MACROD2: variants seen among roughly 807,000 people sequenced by gnomAD.
MACROD2 encodes the protein ADP-ribose glycohydrolase MACROD2.
MACROD2 carries 36 observed loss-of-function variants against 70.4 expected under a neutral mutation model. The observed-to-expected ratio is 0.51, with a 90% confidence interval of 0.39 to 0.68. The LOEUF (loss-of-function observed/expected upper bound fraction) is 0.68, where lower values mean the gene tolerates loss of function less well. Among genes scored for constraint, MACROD2 ranks in the 30% least tolerant of loss-of-function variants. The pLI is 0.00. For synonymous variants in MACROD2, 172 were observed against 178.8 expected (o/e 0.96, Z 0.30); for missense variants, 496 against 538.4 (o/e 0.92, Z 0.78).
chr20:14,927,476 C>G (rs2074247151), intron 5 of MACROD2, among the ~76,000 whole-genome samples: 1 of 152,156 alleles, frequency 6.6e-6, no homozygotes, highest in South Asian at 2.1e-4. Flanking sequence ...CACAGCTCCT[C>G]AAGAGAACCA....
chr20:14,170,801 G>C (rs2081213806), intron 3 of MACROD2, among the ~76,000 whole-genome samples: 1 of 152,104 alleles, frequency 6.6e-6, no homozygotes, highest in South Asian at 2.1e-4. Flanking sequence ...TTGGGCCTTA[G>C]TTTTCCTTTT....
At chr20:14,465,298 T>C (rs1224188161) in intron 3 of MACROD2, among the ~76,000 whole-genome samples, 1 of 152,134 alleles carries the variant, frequency 6.6e-6, no homozygotes, top group Non-Finnish European at 1.5e-5. Flanking sequence ...AATGGCCTTC[T>C]TTGTCTCTTT....
chr20:15,681,946 AG>A (rs2050165560), intron 8 of MACROD2, among the ~76,000 whole-genome samples: 1 of 152,212 alleles, frequency 6.6e-6, no homozygotes, highest in Admixed American at 6.5e-5. Flanking sequence ...CCAAGGTGAT[AG>A]ATTGGTGGCC....
At chr20:14,376,334 T>C (rs566462617) in intron 3 of MACROD2, among the ~76,000 whole-genome samples, 231 of 152,328 alleles carry the variant, frequency 1.5e-3, no homozygotes, top group Middle Eastern at 0.01. Context: ...GCTACTGTAG[T>C]GCATTAGTAA....
At chr20:14,057,248 C>T (rs1569138443) in intron 2 of MACROD2, among the ~76,000 whole-genome samples, 1 of 152,100 alleles carries the variant, frequency 6.6e-6, no homozygotes, top group Admixed American at 6.5e-5. Context: ...ACACACAACT[C>T]ACAGGTATAA....
At chr20:15,696,562 A>G (rs559275100) in intron 8 of MACROD2, among the ~76,000 whole-genome samples, 1 of 152,116 alleles carries the variant, frequency 6.6e-6, no homozygotes, top group Non-Finnish European at 1.5e-5. Context: ...GCTTCATAGA[A>G]TGAATTAGGG....
intron 5 of MACROD2, among the ~76,000 whole-genome samples, chr20:15,160,543 T>C (rs1373942159): frequency 2.0e-5 from 3 of 152,110 alleles, no homozygotes; most frequent in Non-Finnish European, 1.5e-5. Context: ...AATCATTTAT[T>C]TATTCAAAAA....
chr20:14,809,776 C>T (rs760467714), intron 5 of MACROD2, among the ~76,000 whole-genome samples: 2 of 152,010 alleles, frequency 1.3e-5, no homozygotes, highest in Non-Finnish European at 2.9e-5. Context: ...CACAGAAATA[C>T]GAACTACCAT....
intron 6 of MACROD2, among the ~76,000 whole-genome samples, chr20:15,312,723 T>C (rs749325522): frequency 6.6e-6 from 1 of 152,182 alleles, no homozygotes; most frequent in Non-Finnish European, 1.5e-5. Context: ...ATCAGGAAGA[T>C]AGTTATTTGA....
chr20:14,212,734 T>A (rs1220521811), intron 3 of MACROD2, among the ~76,000 whole-genome samples: 1 of 151,574 alleles, frequency 6.6e-6, no homozygotes, highest in Non-Finnish European at 1.5e-5. Context: ...CCTGTCAGGA[T>A]CATGAGGATT....
chr20:16,019,597 C>T (rs2066974637), intron 15 of MACROD2, among the ~76,000 whole-genome samples: 1 of 152,140 alleles, frequency 6.6e-6, no homozygotes, highest in Non-Finnish European at 1.5e-5. Flanking sequence ...CAGGATTATT[C>T]CTTCTTGTGC....
Position 14,679,882 on chromosome 20 carries a change from C to A in MACROD2, c.302-4961C>A, listed in dbSNP as rs546827320. On this transcript the variant is annotated intron_variant, in intron 4 of 17. Coordinates refer to ENST00000684519, the MANE Select transcript of MACROD2 (RefSeq NM_001351661.2). ...TTCATACCAATAGTAACTAGGAATT[C>A]TTGACAAAATATAAGCAACAACAGA... is the stretch of plus-strand genomic sequence containing the variant. 2.6e-5 allele frequency among the ~76,000 whole-genome samples: 4 copies of A among 152,218 alleles called. No homozygotes were observed. The South Asian group carries it at 8.3e-4, about 32-fold the overall frequency.
chr20:14,019,450 G>A (rs1378038528), intron 2 of MACROD2, among the ~76,000 whole-genome samples: 1 of 151,980 alleles, frequency 6.6e-6, no homozygotes, highest in Non-Finnish European at 1.5e-5. Flanking sequence ...TTTGTATATT[G>A]TTTTAGTAGA....
chr20:15,180,427 A>G (rs1377535753), intron 5 of MACROD2, among the ~76,000 whole-genome samples: 1 of 152,240 alleles, frequency 6.6e-6, no homozygotes, highest in Non-Finnish European at 1.5e-5. Context: ...CTAAACTTCT[A>G]TCTGGTGAAT....
intron 5 of MACROD2, among the ~76,000 whole-genome samples, chr20:15,063,976 C>T (rs377740): frequency 0.18 from 26,686 of 152,080 alleles, 2,806 homozygotes; most frequent in Non-Finnish European, 0.23. Context: ...CACATGTTTT[C>T]GTTAAGTCTA....
chr20:14,846,292 C>T (rs555790023), intron 5 of MACROD2, among the ~76,000 whole-genome samples: 4 of 152,152 alleles, frequency 2.6e-5, no homozygotes, highest in South Asian at 2.1e-4. Context: ...GTGACGATCT[C>T]GGCTCACTGC....
At chr20:14,649,267 A>T (rs6042838) in intron 4 of MACROD2, among the ~76,000 whole-genome samples, 1 of 152,124 alleles carries the variant, frequency 6.6e-6, no homozygotes, top group African/African-American at 2.4e-5. Flanking sequence ...AAGAGGAAAG[A>T]GTTTTAGAGA....
chr20:14,480,956 A>C, intron 3 of MACROD2, among the ~76,000 whole-genome samples: 1 of 152,308 alleles, frequency 6.6e-6, no homozygotes, highest in East Asian at 1.9e-4. Context: ...TTTGAAATTA[A>C]ATAATTAGAC....
chr20:15,191,998 GCC>G (rs1345769443), intron 5 of MACROD2, among the ~76,000 whole-genome samples: 1 of 149,118 alleles, frequency 6.7e-6, no homozygotes, highest in Non-Finnish European at 1.5e-5. Flanking sequence ...AACTATATGT[GCC>G]CTCTATTAAC....
Sources: gnomAD v4.1 joint callset for allele counts (sites outside exome capture counted in the v4.1 genomes callset) on GRCh38, gnomAD v4.1.1 for gene constraint, MANE v1.5 for transcripts, NCBI Gene and HGNC (gene_info 2026-07-23, HGNC 2026-07-21) for gene names.